SPAG16: variants seen among roughly 807,000 people sequenced by gnomAD.
The protein encoded by SPAG16 is sperm associated antigen 16.
SPAG16 carries 86 observed loss-of-function variants against 80.4 expected under a neutral mutation model. The ratio of observed to expected loss-of-function variants is 1.07; its 90% confidence interval spans 0.90 to 1.28. The LOEUF is 1.28. SPAG16 is among the 50% of genes most tolerant of loss of function. SPAG16 has a pLI of 0.00. For synonymous variants in SPAG16, 294 were observed against 265.9 expected (o/e 1.11, Z -1.03); for missense variants, 870 against 765.3 (o/e 1.14, Z -1.61).
intron 15 of SPAG16, chr2:214,240,025 T>C (rs1366807885): frequency 6.6e-6 from 1 of 152,156 alleles, no homozygotes; most frequent in Admixed American, 6.6e-5. Flanking sequence ...ATAAGCACTG[T>C]GTGCCTATGT....
At chr2:214,232,660 T>A in intron 15 of SPAG16, among the ~76,000 whole-genome samples, 1 of 152,048 alleles carries the variant, frequency 6.6e-6, no homozygotes, top group East Asian at 1.9e-4. Context: ...GGACAGTAGT[T>A]CATTTTAAAT....
intron 15 of SPAG16, among the ~76,000 whole-genome samples, chr2:214,409,659 G>A (rs1456989193): frequency 1.3e-5 from 2 of 152,102 alleles, no homozygotes; most frequent in African/African-American, 4.8e-5. Flanking sequence ...AATTTTTAAA[G>A]CAGGAATGTA....
At chr2:214,212,590 T>G (rs1011072353) in intron 15 of SPAG16, among the ~76,000 whole-genome samples, 1 of 152,036 alleles carries the variant, frequency 6.6e-6, no homozygotes, top group Non-Finnish European at 1.5e-5. Flanking sequence ...ATATGCTAAG[T>G]TAGACCCCCA....
chr2:214,159,148 C>T (rs1259774875), intron 15 of SPAG16, among the ~76,000 whole-genome samples: 1 of 151,822 alleles, frequency 6.6e-6, no homozygotes, highest in Non-Finnish European at 1.5e-5. Context: ...TATAGGCTGG[C>T]ATAGGTCATT....
At chr2:213,882,992 A>C (rs1354740299) in intron 11 of SPAG16, among the ~76,000 whole-genome samples, 1 of 152,010 alleles carries the variant, frequency 6.6e-6, no homozygotes, top group Non-Finnish European at 1.5e-5. Context: ...CAGCCTCCCG[A>C]GTAGCTGGGA....
intron 10 of SPAG16, among the ~76,000 whole-genome samples, chr2:213,702,077 T>A (rs2065458823): frequency 6.6e-6 from 1 of 152,110 alleles, no homozygotes; most frequent in Non-Finnish European, 1.5e-5. Flanking sequence ...TTGGAGAACT[T>A]TTATGTCTAG....
At chr2:213,844,111 G>A (rs903397254) in intron 10 of SPAG16, among the ~76,000 whole-genome samples, 1 of 152,164 alleles carries the variant, frequency 6.6e-6, no homozygotes, top group African/African-American at 2.4e-5. Context: ...TCTTCAGATT[G>A]TCAGAGGACA....
intron 10 of SPAG16, among the ~76,000 whole-genome samples, chr2:213,819,312 C>T (rs1319792566): frequency 6.6e-6 from 1 of 152,088 alleles, no homozygotes; most frequent in Non-Finnish European, 1.5e-5. Context: ...ACATGAAAAA[C>T]GTTTGGAAGT....
chr2:214,375,897 A>G (rs1700097624), intron 15 of SPAG16, among the ~76,000 whole-genome samples: 1 of 152,034 alleles, frequency 6.6e-6, no homozygotes, highest in Non-Finnish European at 1.5e-5. Context: ...TCACAAGTTA[A>G]CATTTCTACA....
At chr2:213,592,377 A>G (rs565567900) in intron 10 of SPAG16, among the ~76,000 whole-genome samples, 1 of 152,322 alleles carries the variant, frequency 6.6e-6, no homozygotes, top group East Asian at 1.9e-4. Context: ...AGGAAAAATT[A>G]AATAAAGGGT....
rs562160657 is a variant in SPAG16, at chr2:213,445,892, G to A, written c.943-44071G>A. ...AGCTACTATGTGAAACAGTATAGAG[G>A]TTCCTCAAAAAACCCTGAGGGACCA... On this transcript the variant is annotated intron_variant, in intron 9 of 15. Coordinates refer to ENST00000331683, the MANE Select transcript of SPAG16 (RefSeq NM_024532.5). 5.3e-5 allele frequency among the ~76,000 whole-genome samples: 8 copies of A among 152,276 alleles called. No individual in the cohort carries two copies. In the East Asian group the frequency reaches 1.5e-3, roughly 29 times the overall value.
intron 13 of SPAG16, among the ~76,000 whole-genome samples, chr2:214,092,041 TAACTC>T (rs776498097): frequency 6.6e-6 from 1 of 152,268 alleles, no homozygotes; most frequent in Non-Finnish European, 1.5e-5. Context: ...CTGATAGAAA[TAACTC>T]AAAATCAATC....
At chr2:213,424,866 C>T (rs886999788) in intron 9 of SPAG16, among the ~76,000 whole-genome samples, 1 of 152,140 alleles carries the variant, frequency 6.6e-6, no homozygotes, top group Non-Finnish European at 1.5e-5. Flanking sequence ...GCTGGGAACC[C>T]AGCCACTGAG....
chr2:213,603,604 A>G (rs1047334229), intron 10 of SPAG16, among the ~76,000 whole-genome samples: 1 of 152,210 alleles, frequency 6.6e-6, no homozygotes, highest in Non-Finnish European at 1.5e-5. Context: ...AGAACCATTT[A>G]TTATTTAGCT....
At chr2:214,196,697 A>G (rs1241218691) in intron 15 of SPAG16, among the ~76,000 whole-genome samples, 2 of 152,064 alleles carry the variant, frequency 1.3e-5, no homozygotes, top group African/African-American at 4.8e-5. Context: ...ATTTTAAAAC[A>G]TGCATCATAT....
At chr2:213,285,344 T>G (rs968751040) in intron 1 of SPAG16, among the ~76,000 whole-genome samples, 3 of 152,224 alleles carry the variant, frequency 2.0e-5, no homozygotes, top group African/African-American at 7.2e-5. Context: ...GTCCACTATT[T>G]CTTGTGTAAG....
intron 9 of SPAG16, among the ~76,000 whole-genome samples, chr2:213,376,632 A>G (rs886440650): frequency 6.6e-6 from 1 of 151,936 alleles, no homozygotes; most frequent in Non-Finnish European, 1.5e-5. Flanking sequence ...CATGATATCT[A>G]TTGACTCCGC....
rs557065554 is a variant in SPAG16, at chr2:213,678,174, G to C, written c.1071-184311G>C. ...GCCCACAAGAGAAAGCAGGAAAGAT[G>C]CAAAATTGACACCCTAACATCACAA... On this transcript the variant is annotated intron_variant, in intron 10 of 15. Coordinates refer to ENST00000331683, the MANE Select transcript of SPAG16 (RefSeq NM_024532.5). Among the ~76,000 whole-genome samples the C allele has an allele frequency of 5.1e-3, 773 of 151,942 alleles. 6 individuals carry two copies. Among genetic ancestry groups the C allele is most frequent in the African/African-American group, 0.018 (750 of 41,426 alleles).
chr2:213,858,935 C>T (rs538420419), intron 10 of SPAG16, among the ~76,000 whole-genome samples: 1 of 151,918 alleles, frequency 6.6e-6, no homozygotes, highest in Non-Finnish European at 1.5e-5. Context: ...AATCCCAGCA[C>T]TTTGGGAGGC....
Sources: gnomAD v4.1 joint callset for allele counts (sites outside exome capture counted in the v4.1 genomes callset) on GRCh38, gnomAD v4.1.1 for gene constraint, MANE v1.5 for transcripts, NCBI Gene and HGNC (gene_info 2026-07-23, HGNC 2026-07-21) for gene names.